The following NT5DC4 variants were observed in gnomAD, a reference collection of about 807,000 sequenced individuals.
NT5DC4 encodes 5'-nucleotidase domain-containing protein 4.
Under a neutral mutation model 26.6 loss-of-function variants are expected in NT5DC4, and 44 were observed. The ratio of observed to expected loss-of-function variants is 1.65; its 90% CI spans 1.30 to 2.13. The LOEUF (loss-of-function observed/expected upper bound fraction) is 2.13, where lower values mean the gene tolerates loss of function less well. Among genes scored for constraint, NT5DC4 ranks in the 30% most tolerant of loss-of-function variants. The pLI is 0.00. For missense variants in NT5DC4, 399 were observed against 228.1 expected (o/e 1.75, Z -4.83); for synonymous variants, 157 against 86.7 (o/e 1.81, Z -4.51).
rs953903323 is a variant in NT5DC4, at chr2:112,727,040, T to C, written c.1266+302T>C. ...TGCCTGCGTGCTAGCTGGGCCCTTA[T>C]TGACTGACTAGCCAGTTCTGATAGG... is the stretch of plus-strand genomic sequence containing the variant. On this transcript the variant is annotated intron_variant, in intron 15 of 16. Transcript: ENST00000688554. 4.3e-4 allele frequency: 199 copies of C among 463,842 alleles called. 1 individual carries two copies. The Admixed American group carries it at 5.8e-3, about 14-fold the overall frequency. The allele number at this position is 463,842 out of a possible 1,614,324, so 28.7% of individuals were successfully genotyped here. A position where few individuals can be genotyped will look rare whatever the true frequency, so the allele number is the denominator to read the frequency against.
At chr2:112,723,206 T>C (rs768092477) in intron 7 of NT5DC4, 32 bp downstream of exon 7, 22 of 717,254 alleles carry the variant, frequency 3.1e-5, no homozygotes, top group Non-Finnish European at 5.2e-5. Context: ...CCCGGACCCC[T>C]GACCTGTCTG....
chr2:112,719,946 C>CTTTCTTTCTTTCTT (rs1676712352), upstream of NT5DC4, among the ~76,000 whole-genome samples: 1 of 103,316 alleles, frequency 9.7e-6, no homozygotes, highest in African/African-American at 4.5e-5. Flanking sequence ...TTCTTTCTTT[C>CTTTCTTTCTTTCTT]TTTCTTTCTT....
At chr2:112,742,773 G>C (rs770441305), downstream of NT5DC4, 1 of 1,596,894 alleles carries the variant, frequency 6.3e-7, no homozygotes, top group Non-Finnish European at 8.5e-7. Context: ...GTATTGGCTG[G>C]AAGGAAGGAA....
intron 6 of NT5DC4, 37 bp from the exon 7 acceptor site, chr2:112,723,044 C>CT: frequency 1.4e-6 from 1 of 691,424 alleles, no homozygotes; most frequent in Middle Eastern, 2.4e-4. Flanking sequence ...TTCAGGCCCC[C>CT]TTATTGGCCT....
intron 13 of NT5DC4, 113 bp from the exon 14 acceptor site, chr2:112,726,125 A>C: frequency 1.5e-6 from 1 of 688,278 alleles, no homozygotes. Context: ...GGTGTTATGC[A>C]CACAGCTCAG....
At chr2:112,718,897 T>C (rs1676608430), upstream of NT5DC4, among the ~76,000 whole-genome samples, 1 of 152,222 alleles carries the variant, frequency 6.6e-6, no homozygotes. Context: ...TCCAACTGTC[T>C]GTCCATTCAC....
chr2:112,731,248 A>G (rs1678453380), intron 16 of NT5DC4: 1 of 151,896 alleles, frequency 6.6e-6, no homozygotes, highest in African/African-American at 2.4e-5. Flanking sequence ...AATGCAGCAG[A>G]TTTGGAGCCT....
intron 15 of NT5DC4, among the ~76,000 whole-genome samples, chr2:112,727,679 C>T (rs931767832): frequency 4.6e-5 from 7 of 152,212 alleles, no homozygotes; most frequent in African/African-American, 1.7e-4. Context: ...CAGAGAGTCA[C>T]AGGTTTCAAT....
At chr2:112,738,880 T>C (rs1390077970) in intron 16 of NT5DC4, 33 bp from the exon 17 acceptor site, 1 of 1,613,992 alleles carries the variant, frequency 6.2e-7, no homozygotes, top group African/African-American at 1.3e-5. Context: ...TTCTACGGAA[T>C]ATAAAACATT....
intron 4 of NT5DC4, 28 bp from the exon 5 acceptor site, chr2:112,722,455 C>G: frequency 1.4e-6 from 1 of 716,988 alleles, no homozygotes; most frequent in African/African-American, 1.7e-5. Flanking sequence ...CCAGGAGGCA[C>G]TGGGGAGGGG....
At chr2:112,720,768 G>C (rs1676799229), upstream of NT5DC4, among the ~76,000 whole-genome samples, 1 of 152,170 alleles carries the variant, frequency 6.6e-6, no homozygotes, top group Non-Finnish European at 1.5e-5. Context: ...CCTCATTCTG[G>C]GTTCTCCGCT....
At chr2:112,732,832 G>A (rs190824082) in intron 16 of NT5DC4, among the ~76,000 whole-genome samples, 42 of 152,270 alleles carry the variant, frequency 2.8e-4, no homozygotes, top group African/African-American at 9.4e-4. Context: ...TCCCCTCAGC[G>A]AAGATCCCTG....
chr2:112,741,503 C>T (rs1035375266), downstream of NT5DC4, among the ~76,000 whole-genome samples: 17 of 152,288 alleles, frequency 1.1e-4, no homozygotes, highest in Middle Eastern at 6.8e-3. Context: ...AACACAATCA[C>T]CAAAATGAAA....
At chr2:112,730,255 G>C (rs192291695) in intron 16 of NT5DC4, among the ~76,000 whole-genome samples, 1 of 143,408 alleles carries the variant, frequency 7.0e-6, no homozygotes, top group East Asian at 2.2e-4. Flanking sequence ...GGAGGTTGCG[G>C]TGAGCTGAGA....
At chr2:112,725,923 C>A (rs1309319489) in intron 13 of NT5DC4, among the ~76,000 whole-genome samples, 1 of 143,382 alleles carries the variant, frequency 7.0e-6, no homozygotes, top group Non-Finnish European at 1.5e-5. Flanking sequence ...TGAAGTCATC[C>A]TCCAGGGCAG....
chr2:112,733,713 T>G (rs1219459358), intron 16 of NT5DC4, among the ~76,000 whole-genome samples: 2 of 152,212 alleles, frequency 1.3e-5, no homozygotes, highest in Admixed American at 1.3e-4. Flanking sequence ...GAGAGATGCA[T>G]TTCCATTTGG....
chr2:112,730,291 C>G lies in NT5DC4; in HGVS notation c.1344+587C>G, dbSNP rs867391575. On this transcript the variant is annotated intron_variant, in intron 16 of 16. Coordinates refer to ENST00000688554, the MANE Select transcript of NT5DC4 (RefSeq NM_001393655.1). ...TTGCACCACTGCACTCCAACCTGGGCAACAGGGAAAGACTGTCTCAAAAAA... is the reference window on the plus strand; with the variant it reads ...TTGCACCACTGCACTCCAACCTGGGGAACAGGGAAAGACTGTCTCAAAAAA... Among the ~76,000 whole-genome samples, 12 of 101,618 alleles carry G rather than the reference C, an allele frequency of 1.2e-4. No homozygotes were observed. In the South Asian group the frequency reaches 4.4e-3, roughly 37 times the overall value. 66.7% of individuals were successfully genotyped at this position (101,618 alleles called of 152,430 possible).
intron 12 of NT5DC4, 60 bp from the exon 13 acceptor site, chr2:112,725,322 A>G (rs1014727059): frequency 1.4e-6 from 1 of 689,866 alleles, no homozygotes; most frequent in Middle Eastern, 2.3e-4. Flanking sequence ...ACCTGCCCCG[A>G]GTCACCTACC....
At chr2:112,734,303 G>A (rs1678822923) in intron 16 of NT5DC4, among the ~76,000 whole-genome samples, 1 of 151,928 alleles carries the variant, frequency 6.6e-6, no homozygotes, top group Non-Finnish European at 1.5e-5. Context: ...AAAGTCCAGG[G>A]TTAGCCCAGC....
Sources: gnomAD v4.1 joint callset for allele counts (sites outside exome capture counted in the v4.1 genomes callset) on GRCh38, gnomAD v4.1.1 for gene constraint, MANE v1.5 for transcripts, NCBI Gene and HGNC (gene_info 2026-07-23, HGNC 2026-07-21) for gene names.